The following MYO1D variants were observed in gnomAD, a reference collection of about 807,000 sequenced individuals.
MYO1D encodes myosin ID.
Under a neutral mutation model 122.0 loss-of-function variants are expected in MYO1D, and 83 were observed. The ratio of observed to expected loss-of-function variants is 0.68; its 90% CI spans 0.57 to 0.82. The LOEUF (loss-of-function observed/expected upper bound fraction) is 0.82. Ranked by LOEUF, MYO1D falls within the 40% of genes least tolerant of loss-of-function variation. The probability of loss-of-function intolerance (pLI) is 0.00; values close to 1 mark genes in which losing one functional copy is unlikely to be tolerated. For synonymous variants in MYO1D, 464 were observed against 446.9 expected, an observed-to-expected ratio of 1.04 and a Z score of -0.48; for missense variants, 1,157 against 1,269.5, an observed-to-expected ratio of 0.91 and a Z score of 1.35.
At chr17:32,495,618 G>C (rs1445733771) in intron 21 of MYO1D, 1 of 152,160 alleles carries the variant, frequency 6.6e-6, no homozygotes, top group Non-Finnish European at 1.5e-5. Context: ...GCTGGACAGA[G>C]CCCGAGCCCG....
chr17:32,790,209 T>G (rs1003758443), intron 1 of MYO1D, among the ~76,000 whole-genome samples: 7 of 152,210 alleles, frequency 4.6e-5, no homozygotes, highest in African/African-American at 1.4e-4. Flanking sequence ...AAGTATGATC[T>G]TAAAATATAA....
intron 6 of MYO1D, among the ~76,000 whole-genome samples, chr17:32,770,194 TA>T (rs565134676): frequency 1.7e-4 from 26 of 152,310 alleles, no homozygotes; most frequent in African/African-American, 6.0e-4. Flanking sequence ...TGCACAGCAA[TA>T]AAAATACAGC....
intron 15 of MYO1D, among the ~76,000 whole-genome samples, chr17:32,719,171 T>G (rs1598037016): frequency 6.6e-6 from 1 of 152,228 alleles, no homozygotes; most frequent in Non-Finnish European, 1.5e-5. Flanking sequence ...CATCCTTCAT[T>G]CCTCTTTATT....
chr17:32,702,779 A>G (rs2089263761), intron 16 of MYO1D, among the ~76,000 whole-genome samples: 1 of 152,228 alleles, frequency 6.6e-6, no homozygotes, highest in South Asian at 2.1e-4. Flanking sequence ...ACAATGGAAG[A>G]CTGCCAACTG....
intron 20 of MYO1D, among the ~76,000 whole-genome samples, chr17:32,625,471 T>C (rs2087915068): frequency 6.6e-6 from 1 of 152,216 alleles, no homozygotes; most frequent in Admixed American, 6.5e-5. Context: ...GATTGAGATA[T>C]AGTCTGGTTA....
chr17:32,854,504 C>T (rs370415765), intron 1 of MYO1D, among the ~76,000 whole-genome samples: 1 of 152,242 alleles, frequency 6.6e-6, no homozygotes, highest in Non-Finnish European at 1.5e-5. Context: ...ATTGGCGAAG[C>T]CAATGGCAAA....
chr17:32,563,884 A>G (rs1272018166), intron 21 of MYO1D, among the ~76,000 whole-genome samples: 2 of 151,772 alleles, frequency 1.3e-5, no homozygotes, highest in Non-Finnish European at 2.9e-5. Flanking sequence ...AGTTTCTTAA[A>G]CCCCTTTTGA....
intron 21 of MYO1D, among the ~76,000 whole-genome samples, chr17:32,503,163 G>A (rs1300004613): frequency 6.6e-6 from 1 of 152,232 alleles, no homozygotes; most frequent in Non-Finnish European, 1.5e-5. Context: ...TGCTACCTGT[G>A]CCTTCGCAGG....
intron 20 of MYO1D, among the ~76,000 whole-genome samples, chr17:32,638,443 T>C (rs926649140): frequency 6.6e-6 from 1 of 152,240 alleles, no homozygotes; most frequent in Non-Finnish European, 1.5e-5. Flanking sequence ...AGAAAATGCA[T>C]TATACGCCAG....
chr17:32,688,437 C>T (rs1439660254), intron 16 of MYO1D, among the ~76,000 whole-genome samples: 1 of 152,192 alleles, frequency 6.6e-6, no homozygotes, highest in Non-Finnish European at 1.5e-5. Flanking sequence ...CTTTGACTCA[C>T]TGTCTCATAC....
In MYO1D at chr17:32,753,481, T is replaced by C. The variant is rs116310120; in HGVS notation, c.1467+2011A>G. On this transcript the variant is annotated intron_variant, in intron 11 of 21. Transcript: ENST00000318217. ...AAGAAAGAGCCACTTGGTCTGAAAGTTGGGAAACCTGGGCTCCCATAAATT... is the reference window on the plus strand; with the variant it reads ...AAGAAAGAGCCACTTGGTCTGAAAGCTGGGAAACCTGGGCTCCCATAAATT... 6.1e-3 allele frequency among the ~76,000 whole-genome samples: 927 copies of C among 152,330 alleles called. 9 individuals carry two copies. Among genetic ancestry groups the C allele is most frequent in the African/African-American group, 0.021 (872 of 41,574 alleles).
intron 1 of MYO1D, among the ~76,000 whole-genome samples, chr17:32,847,413 A>G (rs923783293): frequency 1.6e-4 from 25 of 152,234 alleles, no homozygotes; most frequent in African/African-American, 5.8e-4. Context: ...GACAGTGGCC[A>G]CTTGCCATTT....
At chr17:32,765,827 T>G (rs913632304) in intron 7 of MYO1D, among the ~76,000 whole-genome samples, 4 of 152,170 alleles carry the variant, frequency 2.6e-5, no homozygotes, top group African/African-American at 9.7e-5. Flanking sequence ...AATCTAACTT[T>G]ATTTTTCACA....
At chr17:32,696,831 G>A (rs1056281151) in intron 16 of MYO1D, among the ~76,000 whole-genome samples, 1 of 152,142 alleles carries the variant, frequency 6.6e-6, no homozygotes, top group Non-Finnish European at 1.5e-5. Context: ...AGAAAACTTT[G>A]CTTTCTACAT....
chr17:32,710,352 T>C (rs988941565), intron 16 of MYO1D, among the ~76,000 whole-genome samples: 1 of 152,106 alleles, frequency 6.6e-6, no homozygotes, highest in African/African-American at 2.4e-5. Flanking sequence ...AAAGGGCAGA[T>C]TGCTTAGTAG....
chr17:32,623,417 A>T (rs1597944591), intron 20 of MYO1D, among the ~76,000 whole-genome samples: 1 of 152,160 alleles, frequency 6.6e-6, no homozygotes, highest in East Asian at 1.9e-4. Flanking sequence ...GCCACCTCCC[A>T]GTGGTATGTG....
chr17:32,822,030 A>G (rs1381075238), intron 1 of MYO1D, among the ~76,000 whole-genome samples: 1 of 152,226 alleles, frequency 6.6e-6, no homozygotes, highest in Non-Finnish European at 1.5e-5. Flanking sequence ...CTGGGTATAT[A>G]CCAAAAGGAT....
chr17:32,610,432 C>T (rs2087685940), intron 20 of MYO1D, among the ~76,000 whole-genome samples: 1 of 152,214 alleles, frequency 6.6e-6, no homozygotes, highest in Non-Finnish European at 1.5e-5. Flanking sequence ...GTTGCCAAAG[C>T]AGGACAAACA....
In MYO1D at chr17:32,787,516, T is replaced by G. The variant is rs1457541580; in HGVS notation, c.96-6732A>C. On this transcript the variant is annotated intron_variant, in intron 1 of 21. Coordinates refer to ENST00000318217, the MANE Select transcript of MYO1D (RefSeq NM_015194.3). ...TCACTGCAACCTCCACCTCCTGGGT[T>G]CAAGCGATTCTCCTGCCTCAACCTC... Among the ~76,000 whole-genome samples the G allele has an allele frequency of 3.9e-5, 6 of 152,060 alleles. No homozygotes were observed. In the East Asian group the frequency reaches 1.2e-3, roughly 29 times the overall value.
Sources: gnomAD v4.1 joint callset for allele counts (sites outside exome capture counted in the v4.1 genomes callset) on GRCh38, gnomAD v4.1.1 for gene constraint, MANE v1.5 for transcripts, NCBI Gene and HGNC (gene_info 2026-07-23, HGNC 2026-07-21) for gene names.